The following SDK1 variants were observed in gnomAD, a reference collection of about 807,000 sequenced individuals.
The protein encoded by SDK1 is protein sidekick-1.
SDK1 carries 157 observed loss-of-function variants against 245.5 expected under a neutral mutation model. The ratio of observed to expected loss-of-function variants is 0.64; its 90% confidence interval spans 0.56 to 0.73. SDK1 has a LOEUF of 0.73. Among genes scored for constraint, SDK1 ranks in the 30% least tolerant of loss-of-function variants. SDK1 has a pLI of 0.00. For synonymous variants in SDK1, 1,647 were observed against 1,278.5 expected, an observed-to-expected ratio of 1.29 and a Z score of -6.15; for missense variants, 3,583 against 3,002.3, an observed-to-expected ratio of 1.19 and a Z score of -4.52.
intron 1 of SDK1, among the ~76,000 whole-genome samples, chr7:3,549,994 A>G (rs1488803437): frequency 1.3e-5 from 2 of 152,166 alleles, no homozygotes; most frequent in African/African-American, 2.4e-5. Context: ...ATATATTTTA[A>G]GTCTGTAATA....
chr7:3,893,413 C>A (rs924558373), intron 5 of SDK1, among the ~76,000 whole-genome samples: 37 of 151,998 alleles, frequency 2.4e-4, no homozygotes, highest in Non-Finnish European at 1.8e-4. Context: ...ATATCAACTT[C>A]ATAGTTTTGT....
chr7:4,038,683 G>T (rs912503992), intron 17 of SDK1, among the ~76,000 whole-genome samples: 1 of 152,224 alleles, frequency 6.6e-6, no homozygotes. Flanking sequence ...ATTGCAGGAG[G>T]AATTTTGGCT....
chr7:3,334,831 C>A (rs1163865103), intron 1 of SDK1, among the ~76,000 whole-genome samples: 1 of 152,160 alleles, frequency 6.6e-6, no homozygotes, highest in Non-Finnish European at 1.5e-5. Context: ...TCTTAGATAG[C>A]TCATAGGCTT....
chr7:3,617,894 G>C (rs1457236806), intron 1 of SDK1, among the ~76,000 whole-genome samples: 3 of 152,166 alleles, frequency 2.0e-5, no homozygotes, highest in Admixed American at 6.5e-5. Context: ...CTCTAGGAAA[G>C]AGCTTGGCTT....
intron 1 of SDK1, among the ~76,000 whole-genome samples, chr7:3,524,061 G>A (rs182365543): frequency 1.6e-4 from 24 of 152,238 alleles, no homozygotes; most frequent in Non-Finnish European, 2.6e-4. Context: ...ACATTGGTTC[G>A]TTCAACAAAT....
rs550580849 is a variant in SDK1, at chr7:4,132,694, C to G, written c.4228+271C>G. ...AGTGAGCCAAGATTGCATCACTGCA[C>G]TCCAGCCTGAGAGAGAGTGCAAGAC... On this transcript the variant is annotated intron_variant, in intron 28 of 44. Transcript: ENST00000404826. The G allele has an allele frequency of 1.1e-5, 4 of 352,734 alleles. No homozygotes were observed. In the South Asian group the frequency reaches 1.5e-4, roughly 13 times the overall value. 21.9% of individuals were successfully genotyped at this position (352,734 alleles called of 1,614,324 possible). A position where few individuals can be genotyped will look rare whatever the true frequency, so the allele number is the denominator to read the frequency against.
chr7:3,688,601 T>A (rs1369532807), intron 4 of SDK1, among the ~76,000 whole-genome samples: 1 of 152,256 alleles, frequency 6.6e-6, no homozygotes, highest in African/African-American at 2.4e-5. Flanking sequence ...TCTTTGTTTC[T>A]AACAGCATGA....
intron 20 of SDK1, among the ~76,000 whole-genome samples, chr7:4,075,234 C>A (rs184127620): frequency 4.5e-4 from 69 of 152,296 alleles, no homozygotes; most frequent in African/African-American, 1.4e-3. Context: ...GAGCTCCCCA[C>A]TGCGTCCGCC....
intron 4 of SDK1, among the ~76,000 whole-genome samples, chr7:3,767,902 A>AT (rs1210341526): frequency 6.6e-5 from 10 of 152,372 alleles, no homozygotes; most frequent in Admixed American, 2.6e-4. Context: ...AGGAGAGATG[A>AT]TTATTGAACA....
intron 1 of SDK1, among the ~76,000 whole-genome samples, chr7:3,518,355 A>C (rs1478106480): frequency 1.3e-5 from 2 of 152,134 alleles, no homozygotes; most frequent in East Asian, 3.8e-4. Flanking sequence ...TTTCAAACTC[A>C]AAAGCTTCTG....
intron 1 of SDK1, among the ~76,000 whole-genome samples, chr7:3,314,883 A>G (rs1483950804): frequency 6.7e-6 from 1 of 149,466 alleles, no homozygotes. Context: ...CATACATCCT[A>G]TTGGCAACAA....
At chr7:4,231,017 G>A (rs1039415650) in intron 40 of SDK1, among the ~76,000 whole-genome samples, 3 of 152,086 alleles carry the variant, frequency 2.0e-5, no homozygotes, top group Non-Finnish European at 4.4e-5. Context: ...GGGGAGGAGG[G>A]GGCAACAGTT....
chr7:3,429,909 C>T (rs1316166444), intron 1 of SDK1, among the ~76,000 whole-genome samples: 1 of 152,142 alleles, frequency 6.6e-6, no homozygotes, highest in East Asian at 1.9e-4. Context: ...CATATGGAGA[C>T]ACATAGAGAT....
At position 3,962,154 on chromosome 7, in the gene SDK1, A is replaced by T. The variant is rs1350634017; in HGVS notation, c.1235-503A>T. Reference sequence around the variant, plus strand: ...ACCTTCTGAAGTCACAATTATCACTAACCTGCATGTGAGGAAACAGACAAA... The same window carrying T: ...ACCTTCTGAAGTCACAATTATCACTTACCTGCATGTGAGGAAACAGACAAA... On this transcript the variant is annotated intron_variant, in intron 8 of 44. Coordinates refer to ENST00000404826, the MANE Select transcript of SDK1 (RefSeq NM_152744.4). 2.6e-5 allele frequency among the ~76,000 whole-genome samples: 4 copies of T among 152,306 alleles called. No individual in the cohort carries two copies. The East Asian group carries it at 7.7e-4, about 29-fold the overall frequency.
At chr7:3,922,714 C>G (rs539304124) in intron 5 of SDK1, among the ~76,000 whole-genome samples, 1 of 152,170 alleles carries the variant, frequency 6.6e-6, no homozygotes, top group African/African-American at 2.4e-5. Flanking sequence ...AAAGCGTGCA[C>G]GTTTTACTGG....
At chr7:3,776,794 A>G (rs1780577884) in intron 4 of SDK1, among the ~76,000 whole-genome samples, 1 of 152,130 alleles carries the variant, frequency 6.6e-6, no homozygotes, top group South Asian at 2.1e-4. Flanking sequence ...TCTAGAAAGG[A>G]CATTTAACAG....
At chr7:3,496,425 C>T (rs1202951960) in intron 1 of SDK1, among the ~76,000 whole-genome samples, 16 of 151,358 alleles carry the variant, frequency 1.1e-4, no homozygotes, top group Admixed American at 1.1e-3. Context: ...AAATAATGTT[C>T]CTACAACTCG....
chr7:3,362,301 CCTTTTTGAAGACTAT>C (rs1422121729), intron 1 of SDK1, among the ~76,000 whole-genome samples: 6 of 152,162 alleles, frequency 3.9e-5, no homozygotes, highest in Non-Finnish European at 7.3e-5. Context: ...ACTTCTTTCA[CCTTTTTGAAGACTAT>C]CTTTTTGAAG....
intron 1 of SDK1, among the ~76,000 whole-genome samples, chr7:3,359,886 A>G (rs924555781): frequency 6.6e-6 from 1 of 152,192 alleles, no homozygotes; most frequent in African/African-American, 2.4e-5. Flanking sequence ...TCTTAGGGCA[A>G]ATGTAGAAGG....
Sources: gnomAD v4.1 joint callset for allele counts (sites outside exome capture counted in the v4.1 genomes callset) on GRCh38, gnomAD v4.1.1 for gene constraint, MANE v1.5 for transcripts, NCBI Gene and HGNC (gene_info 2026-07-23, HGNC 2026-07-21) for gene names.